CCDC141: variants seen among roughly 807,000 people sequenced by gnomAD.
The protein encoded by CCDC141 is coiled-coil domain containing 141, also known as coiled-coil domain-containing protein 141.
In CCDC141, 168 loss-of-function variants were observed where a neutral mutation model predicts 181.0. That is an observed-to-expected ratio of 0.93 (90% confidence interval 0.82 to 1.05). The LOEUF (loss-of-function observed/expected upper bound fraction) is 1.05, where lower values mean the gene tolerates loss of function less well. Ranked by LOEUF, CCDC141 falls within the 50% of genes least tolerant of loss-of-function variation. The probability of loss-of-function intolerance (pLI) is 0.00; values close to 1 mark genes in which losing one functional copy is unlikely to be tolerated. For synonymous variants in CCDC141, 666 were observed against 642.3 expected, an observed-to-expected ratio of 1.04 and a Z score of -0.56; for missense variants, 1,902 against 1,788.5, an observed-to-expected ratio of 1.06 and a Z score of -1.14.
At chr2:178,916,853 G>T (rs1383932692) in intron 7 of CCDC141, among the ~76,000 whole-genome samples, 1 of 151,910 alleles carries the variant, frequency 6.6e-6, no homozygotes, top group African/African-American at 2.4e-5. Flanking sequence ...GAAAGTCTTT[G>T]TGATTATGAA....
At chr2:178,865,937 T>A in intron 16 of CCDC141, 21 bp from the exon 17 acceptor site, 1 of 1,459,634 alleles carries the variant, frequency 6.9e-7, no homozygotes, top group Non-Finnish European at 9.1e-7. Context: ...CAAATGGTGG[T>A]AACAGAGAGA....
intron 2 of CCDC141, among the ~76,000 whole-genome samples, chr2:179,021,665 T>G (rs981781539): frequency 1.3e-5 from 2 of 152,156 alleles, no homozygotes; most frequent in Non-Finnish European, 2.9e-5. Context: ...GAGACAAAAT[T>G]ATGAAAAGCA....
chr2:178,934,280 GAGA>G (rs1458870622), intron 6 of CCDC141, among the ~76,000 whole-genome samples: 2 of 152,080 alleles, frequency 1.3e-5, no homozygotes, highest in African/African-American at 4.8e-5. Context: ...TGATGTGTAA[GAGA>G]AGGACTGATT....
rs545018486 is a variant in CCDC141 at position 178,844,487 on chromosome 2, T to C, written c.3474+1139A>G. ...CCAATCAGAGTAACGTAAAACCATT[T>C]GATACAAGAGTAGCATCCAGCAAAA... On this transcript the variant is annotated intron_variant, in intron 22 of 23. Coordinates refer to ENST00000443758, the MANE Select transcript of CCDC141 (RefSeq NM_173648.4). Among the ~76,000 whole-genome samples the C allele has an allele frequency of 1.1e-4, 16 of 152,312 alleles. No homozygotes were observed. In the East Asian group the frequency reaches 2.9e-3, roughly 28 times the overall value.
intron 11 of CCDC141, among the ~76,000 whole-genome samples, chr2:178,879,263 G>A (rs72959368): frequency 0.013 from 2,045 of 152,266 alleles, 35 homozygotes; most frequent in Middle Eastern, 0.041. Context: ...TGGCTGACAG[G>A]ACCAGACTTA....
chr2:179,002,585 T>C (rs955881614), intron 2 of CCDC141: 1 of 285,956 alleles, frequency 3.5e-6, no homozygotes, highest in African/African-American at 2.3e-5. Context: ...ATTCAGCATC[T>C]TGTTACTCCA....
intron 2 of CCDC141, among the ~76,000 whole-genome samples, chr2:179,041,496 T>G (rs2043303447): frequency 7.1e-6 from 1 of 139,924 alleles, no homozygotes; most frequent in Non-Finnish European, 1.5e-5. Context: ...TGTGGGTTTT[T>G]TTTTTTTTTT....
intron 6 of CCDC141, among the ~76,000 whole-genome samples, chr2:178,931,353 A>C (rs1319821409): frequency 6.6e-6 from 1 of 151,958 alleles, no homozygotes; most frequent in African/African-American, 2.4e-5. Context: ...AGAGGTATTC[A>C]AAAAAAACCC....
intron 5 of CCDC141, among the ~76,000 whole-genome samples, chr2:178,948,165 C>T (rs988466157): frequency 6.6e-6 from 1 of 151,730 alleles, no homozygotes; most frequent in Admixed American, 6.6e-5. Context: ...CATGCCACTG[C>T]ACTCCAGCTT....
chr2:178,982,398 A>G (rs914026923), intron 2 of CCDC141, among the ~76,000 whole-genome samples: 2 of 152,234 alleles, frequency 1.3e-5, no homozygotes, highest in African/African-American at 2.4e-5. Flanking sequence ...TTAACCAAGG[A>G]GGTGAAAGAC....
rs1366467952 is a variant in CCDC141, at chr2:178,988,338, AG to A, written c.226-9664del. ...CTGTTGTGGGGTGGGGGGAGGGGGG[AG>A]GGATAGCATTGGGAGATATACCTAA... On this transcript the variant is annotated intron_variant, in intron 2 of 23. Coordinates refer to ENST00000443758, the MANE Select transcript of CCDC141 (RefSeq NM_173648.4). Among the ~76,000 whole-genome samples the A allele has an allele frequency of 8.1e-5, 7 of 86,684 alleles. No homozygotes were observed. The Admixed American group carries it at 1.1e-3, about 14-fold the overall frequency. The allele number at this position is 86,684 out of a possible 152,430, so 56.9% of individuals were successfully genotyped here.
chr2:178,885,589 T>C (rs1686844645), intron 10 of CCDC141, among the ~76,000 whole-genome samples: 2 of 152,178 alleles, frequency 1.3e-5, no homozygotes, highest in African/African-American at 4.8e-5. Context: ...GGGAAAATAT[T>C]ACATATCAGG....
At position 178,899,865 on chromosome 2, in the gene CCDC141, T is replaced by C. The variant is rs532521552; in HGVS notation, c.1265+5464A>G. On this transcript the variant is annotated intron_variant, in intron 8 of 23. Transcript: ENST00000443758. ...TTTCCTGTGATGATGACTCAGTTCATTGAGCACATAAATTATTAGATGAGG... is the reference window on the plus strand; with the variant it reads ...TTTCCTGTGATGATGACTCAGTTCACTGAGCACATAAATTATTAGATGAGG... 7.2e-5 allele frequency among the ~76,000 whole-genome samples: 11 copies of C among 152,300 alleles called. No individual in the cohort carries two copies. The East Asian group carries it at 1.9e-3, about 27-fold the overall frequency.
chr2:179,007,329 AAC>A (rs1169300673), intron 2 of CCDC141, among the ~76,000 whole-genome samples: 1 of 152,204 alleles, frequency 6.6e-6, no homozygotes, highest in Non-Finnish European at 1.5e-5. Flanking sequence ...TATGCAAATA[AAC>A]ACAGAGACCT....
At chr2:179,024,043 A>C (rs1310284425) in intron 2 of CCDC141, among the ~76,000 whole-genome samples, 1 of 152,254 alleles carries the variant, frequency 6.6e-6, no homozygotes, top group Non-Finnish European at 1.5e-5. Context: ...AGGTGAGGGC[A>C]AAGCTCAGGA....
Position 178,829,801 on chromosome 2 carries a change from T to C in CCDC141, c.*4372A>G, listed in dbSNP as rs1421101167. 1 of 152,258 alleles carries C rather than the reference T, an allele frequency of 6.6e-6. No homozygotes were observed. The highest frequency in any genetic ancestry group is 6.5e-5 in the Admixed American group (1 of 15,282). The allele number at this position is 152,258 out of a possible 1,614,324, so 9.4% of individuals were successfully genotyped here. A position where few individuals can be genotyped will look rare whatever the true frequency, so the allele number is the denominator to read the frequency against. ...ATTTTGTTTCAACTAACTTATTTCA[T>C]GGCTGCACTTAAAATGCTGTGCATA... On this transcript the variant is annotated 3_prime_UTR_variant, in exon 24 of 24. Coordinates refer to ENST00000443758, the MANE Select transcript of CCDC141 (RefSeq NM_173648.4).
intron 20 of CCDC141, among the ~76,000 whole-genome samples, chr2:178,852,087 C>G (rs1381170337): frequency 6.6e-6 from 1 of 152,180 alleles, no homozygotes; most frequent in Non-Finnish European, 1.5e-5. Context: ...AGTGAACTAA[C>G]AAGCAAAATC....
At chr2:178,880,112 A>G (rs942495722) in intron 11 of CCDC141, among the ~76,000 whole-genome samples, 25 of 152,206 alleles carry the variant, frequency 1.6e-4, no homozygotes, top group Non-Finnish European at 3.4e-4. Flanking sequence ...TGTCAATATT[A>G]TGGGCAGTCA....
At chr2:178,972,120 A>T (rs1002684442) in intron 4 of CCDC141, among the ~76,000 whole-genome samples, 3 of 152,142 alleles carry the variant, frequency 2.0e-5, no homozygotes, top group Non-Finnish European at 4.4e-5. Context: ...AAAGATATAT[A>T]CAACATCCAA....
Sources: gnomAD v4.1 joint callset for allele counts (sites outside exome capture counted in the v4.1 genomes callset) on GRCh38, gnomAD v4.1.1 for gene constraint, MANE v1.5 for transcripts, NCBI Gene and HGNC (gene_info 2026-07-23, HGNC 2026-07-21) for gene names.